The following ADIPOR2 variants were observed in gnomAD, a reference collection of about 807,000 sequenced individuals.
The protein encoded by ADIPOR2 is adiponectin receptor 2.
ADIPOR2 carries 18 observed loss-of-function variants against 40.9 expected under a neutral mutation model. That is an observed-to-expected ratio of 0.44 (90% CI 0.30 to 0.65). ADIPOR2 has a LOEUF of 0.65. ADIPOR2 is among the 30% of genes least tolerant of loss of function. The probability of loss-of-function intolerance (pLI) is 0.09; values close to 1 mark genes in which losing one functional copy is unlikely to be tolerated. For synonymous variants in ADIPOR2, 165 were observed against 166.4 expected (o/e 0.99, Z 0.06); for missense variants, 283 against 479.2 (o/e 0.59, Z 3.82).
intron 3 of ADIPOR2, 89 bp from the exon 4 acceptor site, chr12:1,777,765 A>G: frequency 8.0e-7 from 1 of 1,246,154 alleles, no homozygotes; most frequent in Non-Finnish European, 1.1e-6. Context: ...CCATTATAAA[A>G]CAGTGTGATA....
intron 1 of ADIPOR2, among the ~76,000 whole-genome samples, chr12:1,753,340 C>A (rs1267034721): frequency 6.6e-6 from 1 of 152,204 alleles, no homozygotes; most frequent in African/African-American, 2.4e-5. Context: ...GTGCCAAGGA[C>A]TTGAAAAGCT....
At chr12:1,724,994 T>C (rs1459623315) in intron 1 of ADIPOR2, among the ~76,000 whole-genome samples, 1 of 152,168 alleles carries the variant, frequency 6.6e-6, no homozygotes, top group Non-Finnish European at 1.5e-5. Context: ...AGTCACTCTA[T>C]ACCATCACAG....
At chr12:1,735,471 C>T (rs1245129089) in intron 1 of ADIPOR2, among the ~76,000 whole-genome samples, 1 of 152,148 alleles carries the variant, frequency 6.6e-6, no homozygotes, top group Non-Finnish European at 1.5e-5. Flanking sequence ...GCTGAAGTTG[C>T]CTATCAGCTT....
intron 4 of ADIPOR2, chr12:1,778,331 T>C (rs917549451): frequency 4.6e-6 from 1 of 216,692 alleles, no homozygotes. Flanking sequence ...GAAGAAAGTA[T>C]TATTTAATAG....
chr12:1,740,008 A>G (rs2094739158), intron 1 of ADIPOR2, among the ~76,000 whole-genome samples: 1 of 152,190 alleles, frequency 6.6e-6, no homozygotes, highest in Non-Finnish European at 1.5e-5. Flanking sequence ...AGGCTGAGGC[A>G]GGAGAATTGC....
At chr12:1,699,972 G>A (rs2094646984) in intron 1 of ADIPOR2, among the ~76,000 whole-genome samples, 1 of 152,182 alleles carries the variant, frequency 6.6e-6, no homozygotes, top group South Asian at 2.1e-4. Flanking sequence ...GAAAAGGGAA[G>A]CTAAATTCTG....
intron 1 of ADIPOR2, among the ~76,000 whole-genome samples, chr12:1,741,994 G>C (rs1361141790): frequency 7.0e-6 from 1 of 143,392 alleles, no homozygotes; most frequent in Non-Finnish European, 1.5e-5. Flanking sequence ...GGCTGGACTT[G>C]ACTGAAAAGT....
At chr12:1,780,384 A>C in intron 4 of ADIPOR2, 67 bp from the exon 5 acceptor site, 23 of 1,359,092 alleles carry the variant, frequency 1.7e-5, no homozygotes, top group Non-Finnish European at 2.1e-5. Flanking sequence ...TTGAAAACAG[A>C]ATCAGTTATA....
At chr12:1,739,971 A>AT (rs58722995) in intron 1 of ADIPOR2, among the ~76,000 whole-genome samples, 23,079 of 152,100 alleles carry the variant, frequency 0.15, 1,912 homozygotes, top group African/African-American at 0.22. Context: ...GCGTGGTGGC[A>AT]CATGCCTGTA....
At chr12:1,721,496 G>A (rs1220043949) in intron 1 of ADIPOR2, among the ~76,000 whole-genome samples, 2 of 152,128 alleles carry the variant, frequency 1.3e-5, no homozygotes, top group Admixed American at 1.3e-4. Flanking sequence ...GATTACAGGC[G>A]TGAGCCACTG....
chr12:1,743,310 T>TA (rs137936686), intron 1 of ADIPOR2, among the ~76,000 whole-genome samples: 1,589 of 88,494 alleles, frequency 0.018, 17 homozygotes, highest in African/African-American at 0.047. Context: ...AGACGCTGTC[T>TA]AAAAAAAAAA....
At chr12:1,726,418 G>A (rs1240364837) in intron 1 of ADIPOR2, among the ~76,000 whole-genome samples, 4 of 152,048 alleles carry the variant, frequency 2.6e-5, no homozygotes, top group Admixed American at 6.6e-5. Context: ...GGCTAGTCTC[G>A]AACTCCTGCC....
chr12:1,754,516 TA>T lies in ADIPOR2; in HGVS notation c.171+4del. The T allele has an allele frequency of 6.3e-7, 1 of 1,594,820 alleles. No individual in the cohort carries two copies. Among genetic ancestry groups the T allele is most frequent in the Non-Finnish European group, 8.5e-7 (1 of 1,172,210 alleles). On this transcript the variant is annotated splice_donor_region_variant and intron_variant, in intron 2 of 7. Transcript: ENST00000357103. ...GTTCTATCTTCCCATCATAAAAAAG[TA>T]AGTCAAATTGGAAGAATGATAAACA...
chr12:1,708,945 C>A (rs1443795475), intron 1 of ADIPOR2, among the ~76,000 whole-genome samples: 1 of 152,128 alleles, frequency 6.6e-6, no homozygotes, highest in African/African-American at 2.4e-5. Context: ...GTCTCGAACT[C>A]TTGACTTCAG....
chr12:1,732,110 C>T (rs747256248), intron 1 of ADIPOR2, among the ~76,000 whole-genome samples: 10 of 152,170 alleles, frequency 6.6e-5, no homozygotes, highest in African/African-American at 1.7e-4. Flanking sequence ...ACCAGTTTCC[C>T]GTTACTAACA....
At chr12:1,749,937 A>T (rs11061968) in intron 1 of ADIPOR2, among the ~76,000 whole-genome samples, 47,249 of 150,372 alleles carry the variant, frequency 0.31, 8,148 homozygotes, top group East Asian at 0.49. Flanking sequence ...CCTGGACTCA[A>T]GCAGTTCTCT....
chr12:1,710,917 G>C (rs374878890), intron 1 of ADIPOR2, among the ~76,000 whole-genome samples: 3 of 152,090 alleles, frequency 2.0e-5, no homozygotes, highest in Non-Finnish European at 2.9e-5. Context: ...AAAAATACGG[G>C]CCTGAAGGCG....
Position 1,755,003 on chromosome 12 carries a change from C to T in ADIPOR2, c.171+489C>T, listed in dbSNP as rs1291958117. Among the ~76,000 whole-genome samples the T allele has an allele frequency of 2.4e-4, 28 of 117,866 alleles. 3 individuals are homozygous for T. The highest frequency in any genetic ancestry group is 4.0e-3 in the Middle Eastern group (1 of 252). The allele number at this position is 117,866 out of a possible 152,430, so 77.3% of individuals were successfully genotyped here. A position where few individuals can be genotyped will look rare whatever the true frequency, so the allele number is the denominator to read the frequency against. ...TGCTGGGATTACAGGCATGAGTCAT[C>T]GTGCCCAGCTTCTTATTCTTAAATT... is the stretch of plus-strand genomic sequence containing the variant. On this transcript the variant is annotated intron_variant, in intron 2 of 7. Coordinates refer to ENST00000357103, the MANE Select transcript of ADIPOR2 (RefSeq NM_024551.3).
intron 1 of ADIPOR2, among the ~76,000 whole-genome samples, chr12:1,693,135 A>T (rs948281706): frequency 1.3e-5 from 2 of 152,220 alleles, no homozygotes; most frequent in African/African-American, 2.4e-5. Context: ...AGTCTGGACA[A>T]CAAGAGCGAA....
Sources: allele counts gnomAD v4.1 joint callset (sites outside exome capture counted in the v4.1 genomes callset), GRCh38; gene constraint gnomAD v4.1.1; transcripts MANE v1.5; gene names NCBI Gene and HGNC (gene_info 2026-07-23, HGNC 2026-07-21).